ANTXR1: variants seen among roughly 807,000 people sequenced by gnomAD.
ANTXR1 encodes the protein anthrax toxin receptor 1.
In ANTXR1, 19 loss-of-function variants were observed where a neutral mutation model predicts 78.1. That is an observed-to-expected ratio of 0.24 (90% CI 0.17 to 0.36). The LOEUF (loss-of-function observed/expected upper bound fraction) is 0.36, where lower values mean the gene tolerates loss of function less well. Ranked by LOEUF, ANTXR1 falls within the 10% of genes least tolerant of loss-of-function variation. The pLI is 1.00. For missense variants in ANTXR1, 518 were observed against 718.6 expected (o/e 0.72, Z 3.19); for synonymous variants, 273 against 260.5 (o/e 1.05, Z -0.46).
chr2:69,182,427 G>T, intron 15 of ANTXR1, 66 bp from the exon 16 acceptor site: 1 of 1,579,750 alleles, frequency 6.3e-7, no homozygotes, highest in East Asian at 2.3e-5. Context: ...GCATGTATTT[G>T]TCATTCTCAT....
chr2:69,225,971 A>C (rs114863779), intron 17 of ANTXR1, among the ~76,000 whole-genome samples: 1 of 152,180 alleles, frequency 6.6e-6, no homozygotes, highest in Admixed American at 6.5e-5. Flanking sequence ...CTTATTCATA[A>C]TTTCAACCAC....
intron 17 of ANTXR1, among the ~76,000 whole-genome samples, chr2:69,222,095 C>A (rs1342460841): frequency 6.6e-6 from 1 of 152,184 alleles, no homozygotes; most frequent in East Asian, 1.9e-4. Context: ...GACATTACAT[C>A]CAACACCACC....
In ANTXR1 at chr2:69,094,588, G is replaced by A. The variant is rs146005868; in HGVS notation, c.703+3669G>A. Among the ~76,000 whole-genome samples the A allele has an allele frequency of 8.7e-4, 133 of 152,224 alleles. 1 individual carries two copies. Among genetic ancestry groups the A allele is most frequent in the South Asian group, 1.9e-3 (9 of 4,816 alleles). On this transcript the variant is annotated intron_variant, in intron 9 of 17. Coordinates refer to ENST00000303714, the MANE Select transcript of ANTXR1 (RefSeq NM_032208.3). ...CTTCTTTTCCTTGGCCCCTAGAACA[G>A]CCCCTGCTGTGGAGCCCTACCCAGG...
chr2:69,133,791 T>C (rs943302043), intron 12 of ANTXR1, among the ~76,000 whole-genome samples: 7 of 152,198 alleles, frequency 4.6e-5, no homozygotes, highest in Non-Finnish European at 5.9e-5. Flanking sequence ...ACGCACTTTG[T>C]TATTGCTGTA....
At chr2:69,197,435 C>T (rs566895255) in intron 17 of ANTXR1, among the ~76,000 whole-genome samples, 1 of 152,296 alleles carries the variant, frequency 6.6e-6, no homozygotes, top group African/African-American at 2.4e-5. Flanking sequence ...TCCTTCATCA[C>T]CTCCAAATGG....
intron 16 of ANTXR1, 26 bp from the exon 17 acceptor site, chr2:69,193,299 TTCATATGTAA>T: frequency 6.2e-7 from 1 of 1,606,138 alleles, no homozygotes. Flanking sequence ...CAGGTCTGGT[TTCATATGTAA>T]TCTTGGTGCA....
chr2:69,035,112 C>A (rs1412111900), intron 1 of ANTXR1, among the ~76,000 whole-genome samples: 1 of 152,046 alleles, frequency 6.6e-6, no homozygotes, highest in Non-Finnish European at 1.5e-5. Context: ...AAAGTCTAAA[C>A]TGAGTCATAG....
rs1312571157 is a variant in ANTXR1 at position 69,188,462 on chromosome 2, A to G, written c.1354-4873A>G. On this transcript the variant is annotated intron_variant, in intron 16 of 17. Coordinates refer to ENST00000303714, the MANE Select transcript of ANTXR1 (RefSeq NM_032208.3). Reference sequence around the variant, plus strand: ...CCCAGCACAGTCTTATTGCTTAGAAAGAAACCAAAGCTAGAGTTTACATAG... The same window carrying G: ...CCCAGCACAGTCTTATTGCTTAGAAGGAAACCAAAGCTAGAGTTTACATAG... Among the ~76,000 whole-genome samples the G allele has an allele frequency of 2.6e-5, 4 of 152,268 alleles. No homozygotes were observed. In the East Asian group the frequency reaches 7.7e-4, roughly 29 times the overall value.
Position 69,245,801 on chromosome 2 carries a change from C to A in ANTXR1, c.*316C>A. ...GTCTCATGGAGACCAGTAAGAAAAT[C>A]ATTTATCTGAAGGTGAAATGCAGAG... On this transcript the variant is annotated 3_prime_UTR_variant, in exon 18 of 18. Transcript: ENST00000303714. 1 of 298,738 alleles carries A rather than the reference C, an allele frequency of 3.3e-6. No individual in the cohort carries two copies. The highest frequency in any genetic ancestry group is 6.2e-6 in the Non-Finnish European group (1 of 160,806). The allele number at this position is 298,738 out of a possible 1,614,324, so 18.5% of individuals were successfully genotyped here. A position where few individuals can be genotyped will look rare whatever the true frequency, so the allele number is the denominator to read the frequency against.
chr2:69,065,538 G>A (rs547835929), intron 3 of ANTXR1, among the ~76,000 whole-genome samples: 22 of 151,638 alleles, frequency 1.5e-4, no homozygotes, highest in Non-Finnish European at 2.6e-4. Flanking sequence ...TATAATAAAG[G>A]AATATTATAA....
chr2:69,108,598 T>C (rs1316938904), intron 10 of ANTXR1, among the ~76,000 whole-genome samples: 6 of 152,184 alleles, frequency 3.9e-5, no homozygotes, highest in Non-Finnish European at 8.8e-5. Context: ...TAGTTATTTT[T>C]CCTGATCTTC....
At chr2:69,098,050 G>A (rs1327245429) in intron 9 of ANTXR1, among the ~76,000 whole-genome samples, 4 of 152,196 alleles carry the variant, frequency 2.6e-5, no homozygotes, top group Non-Finnish European at 5.9e-5. Flanking sequence ...CTAATATACA[G>A]TTCCAGAGAG....
intron 16 of ANTXR1, 85 bp from the exon 17 acceptor site, chr2:69,193,250 G>A: frequency 9.0e-7 from 1 of 1,105,350 alleles, no homozygotes; most frequent in Non-Finnish European, 1.4e-6. Context: ...CATGACTGAA[G>A]AAGCACGGAA....
intron 2 of ANTXR1, among the ~76,000 whole-genome samples, chr2:69,043,849 T>C (rs1669679732): frequency 6.6e-6 from 1 of 152,126 alleles, no homozygotes; most frequent in Non-Finnish European, 1.5e-5. Context: ...TAAGCTAAGA[T>C]ACGGGAAGTG....
rs554276455 is a variant in ANTXR1, at chr2:69,247,049, C to A, written c.*1564C>A. ...TTTACTTAGAACAGAGATATAAGGG[C>A]CTGGGATGCATTTATTTTATCAATA... On this transcript the variant is annotated 3_prime_UTR_variant, in exon 18 of 18. Coordinates refer to ENST00000303714, the MANE Select transcript of ANTXR1 (RefSeq NM_032208.3). The A allele has an allele frequency of 6.6e-6, 1 of 152,382 alleles. No homozygotes were observed. Among genetic ancestry groups the A allele is most frequent in the African/African-American group, 2.4e-5 (1 of 41,550 alleles). The allele number at this position is 152,382 out of a possible 1,614,324, so 9.4% of individuals were successfully genotyped here.
At chr2:69,027,548 C>T (rs1033357443) in intron 1 of ANTXR1, among the ~76,000 whole-genome samples, 1 of 152,036 alleles carries the variant, frequency 6.6e-6, no homozygotes, top group South Asian at 2.1e-4. Flanking sequence ...CATGATCTTA[C>T]TTTAGCCATC....
chr2:69,181,722 G>A, intron 14 of ANTXR1, 64 bp from the exon 15 acceptor site: 1 of 1,473,538 alleles, frequency 6.8e-7, no homozygotes, highest in Non-Finnish European at 9.5e-7. Context: ...TCACTTGGCT[G>A]TAGTAGGCAG....
intron 11 of ANTXR1, among the ~76,000 whole-genome samples, chr2:69,123,549 C>T (rs1672424291): frequency 6.6e-6 from 1 of 152,228 alleles, no homozygotes; most frequent in Non-Finnish European, 1.5e-5. Context: ...AGGGCCATGG[C>T]TGGTTCATGG....
intron 3 of ANTXR1, among the ~76,000 whole-genome samples, chr2:69,060,811 A>G (rs4315565): frequency 0.4 from 61,067 of 152,076 alleles, 18,463 homozygotes; most frequent in African/African-American, 0.82. Flanking sequence ...GAGGACTTCC[A>G]ACTTTAAAAT....
Sources: allele counts gnomAD v4.1 joint callset (sites outside exome capture counted in the v4.1 genomes callset), GRCh38; gene constraint gnomAD v4.1.1; transcripts MANE v1.5; gene names NCBI Gene and HGNC (gene_info 2026-07-23, HGNC 2026-07-21).